Variants in USP22 observed in about 807,000 individuals in gnomAD.
The protein encoded by USP22 is ubiquitin specific peptidase 22.
In USP22, 22 loss-of-function variants were observed where a neutral mutation model predicts 68.1. That is an observed-to-expected ratio of 0.32 (90% CI 0.23 to 0.46). The LOEUF (loss-of-function observed/expected upper bound fraction) is 0.46, where lower values mean the gene tolerates loss of function less well. USP22 is among the 20% of genes least tolerant of loss of function. The pLI, the probability that USP22 is intolerant of heterozygous loss-of-function variation, is 1.00. For missense variants in USP22, 433 were observed against 695.8 expected, an observed-to-expected ratio of 0.62 and a Z score of 4.25; for synonymous variants, 279 against 274.2, an observed-to-expected ratio of 1.02 and a Z score of -0.17.
At position 21,017,969 on chromosome 17, in the gene USP22, G is replaced by A; in HGVS notation, c.663C>T (p.Val221=). ...CCTGAAACAGTGAGGACATCTCACA[G>A]ACCAGACAGGAGCTGGGGCTCTGCA... The part of the protein sequence containing the change: ...CEMQSPSSCL[V]CEMSSLFQEF... Residue 221 remains valine, a synonymous_variant, in exon 5 of 13, where the codon GTC becomes GTT. Coordinates refer to ENST00000261497, the MANE Select transcript of USP22 (RefSeq NM_015276.2). 3 of 1,614,142 alleles carry A rather than the reference G, an allele frequency of 1.9e-6. No homozygotes were observed. Among genetic ancestry groups the A allele is most frequent in the South Asian group, 2.2e-5 (2 of 91,074 alleles).
In USP22 at chr17:21,013,817, G is replaced by A. The variant is rs189723231; in HGVS notation, c.839-882C>T. On this transcript the variant is annotated intron_variant, in intron 6 of 12. Transcript: ENST00000261497. ...TGGCCAGGCGCGGTGGCTCACGCCTGTAATCCCAGCACTTTGGGAGGCCAA... is the reference window on the plus strand; with the variant it reads ...TGGCCAGGCGCGGTGGCTCACGCCTATAATCCCAGCACTTTGGGAGGCCAA... Among the ~76,000 whole-genome samples the A allele has an allele frequency of 3.8e-3, 577 of 152,360 alleles. 5 individuals are homozygous for A. The highest frequency in any genetic ancestry group is 0.013 in the African/African-American group (521 of 41,588).
intron 8 of USP22, among the ~76,000 whole-genome samples, chr17:21,010,268 C>T (rs1441495198): frequency 6.6e-6 from 1 of 152,226 alleles, no homozygotes; most frequent in Non-Finnish European, 1.5e-5. Context: ...AACAAGGACT[C>T]TTCTGCATTA....
intron 2 of USP22, among the ~76,000 whole-genome samples, chr17:21,024,513 T>C (rs1972196622): frequency 1.3e-5 from 2 of 152,140 alleles, no homozygotes; most frequent in Non-Finnish European, 2.9e-5. Context: ...AATCCTTACC[T>C]CATACTGTAT....
intron 1 of USP22, among the ~76,000 whole-genome samples, chr17:21,033,395 T>C (rs1164704933): frequency 1.3e-5 from 2 of 152,176 alleles, no homozygotes; most frequent in Non-Finnish European, 1.5e-5. Context: ...GCCAAATTCA[T>C]TAATTTGGTC....
intron 7 of USP22, 97 bp from the exon 8 acceptor site, chr17:21,011,406 T>TGA: frequency 6.9e-7 from 1 of 1,450,894 alleles, no homozygotes; most frequent in Non-Finnish European, 9.3e-7. Flanking sequence ...CCTTCCCCGC[T>TGA]GTGCCCTTTG....
intron 8 of USP22, among the ~76,000 whole-genome samples, chr17:21,010,649 G>A (rs1348356988): frequency 2.8e-5 from 4 of 140,440 alleles, no homozygotes; most frequent in Middle Eastern, 4.1e-3. Context: ...GGTCGACAGA[G>A]CACAACTCTG....
At chr17:21,011,464 C>G (rs1207808210) in intron 7 of USP22, 155 bp from the exon 8 acceptor site, 1 of 976,854 alleles carries the variant, frequency 1.0e-6, no homozygotes, top group African/African-American at 1.6e-5. Flanking sequence ...AGCAGCAGTG[C>G]TCACACCCAA....
intron 9 of USP22, among the ~76,000 whole-genome samples, chr17:21,007,282 G>A (rs534538884): frequency 7.2e-5 from 11 of 152,252 alleles, no homozygotes; most frequent in Admixed American, 5.2e-4. Context: ...ACAAAGATCC[G>A]TGGCCCATGG....
At chr17:21,020,265 AAAAAGG>A (rs1972138621) in intron 3 of USP22, among the ~76,000 whole-genome samples, 1 of 126,624 alleles carries the variant, frequency 7.9e-6, no homozygotes, top group African/African-American at 2.9e-5. Context: ...AAAAAAAAAA[AAAAAGG>A]AAAAAAAACT....
Position 21,015,680 on chromosome 17 carries a change from C to T in USP22, c.838+72G>A, listed in dbSNP as rs1008387765. On this transcript the variant is annotated intron_variant, in intron 6 of 12. Transcript: ENST00000261497. ...GTGCCCCTTTTTGCACGAGTGCATA[C>T]ACTCGCTTTGCTTCCTTCCCCTTCA... 4.0e-6 allele frequency: 6 copies of T among 1,516,884 alleles called. No individual in the cohort carries two copies. In the African/African-American group the frequency reaches 4.1e-5, roughly 10 times the overall value. The allele number at this position is 1,516,884 out of a possible 1,614,324, so 94.0% of individuals were successfully genotyped here. A position where few individuals can be genotyped will look rare whatever the true frequency, so the allele number is the denominator to read the frequency against.
At position 21,015,632 on chromosome 17, in the gene USP22, CA is replaced by C. The variant is rs1914108704; in HGVS notation, c.838+119del. The C allele has an allele frequency of 5.2e-6, 7 of 1,354,852 alleles. No homozygotes were observed. In the East Asian group the frequency reaches 1.8e-4, roughly 35 times the overall value. The allele number at this position is 1,354,852 out of a possible 1,614,324, so 83.9% of individuals were successfully genotyped here. A position where few individuals can be genotyped will look rare whatever the true frequency, so the allele number is the denominator to read the frequency against. ...CAAATGACGACAAGGGCTATGATGA[CA>C]AAACAATGGAATGTGTCACCTGTGC... On this transcript the variant is annotated intron_variant, in intron 6 of 12. Transcript: ENST00000261497.
At chr17:21,018,502 C>G (rs1972115466) in intron 4 of USP22, among the ~76,000 whole-genome samples, 1 of 152,034 alleles carries the variant, frequency 6.6e-6, no homozygotes, top group African/African-American at 2.4e-5. Context: ...ATCACTGGAG[C>G]CCAGGAGTTC....
At chr17:21,037,836 G>A (rs1597702644) in intron 1 of USP22, among the ~76,000 whole-genome samples, 1 of 152,188 alleles carries the variant, frequency 6.6e-6, no homozygotes, top group South Asian at 2.1e-4. Flanking sequence ...AAGATAGACT[G>A]TATCAATGTC....
At chr17:21,020,375 C>T (rs374850160) in intron 3 of USP22, among the ~76,000 whole-genome samples, 2 of 152,038 alleles carry the variant, frequency 1.3e-5, no homozygotes, top group African/African-American at 4.8e-5. Flanking sequence ...TGTGGCCACA[C>T]GGTGGCGACG....
chr17:21,015,885 G>A lies in USP22; in HGVS notation c.705C>T (p.His235=). 1 of 1,614,098 alleles carries A rather than the reference G, an allele frequency of 6.2e-7. No homozygotes were observed. Among genetic ancestry groups the A allele is most frequent in the Non-Finnish European group, 8.5e-7 (1 of 1,180,008 alleles). The change falls in exon 6 of 13, where the codon CAC becomes CAT. Residue 235 remains histidine, a synonymous_variant. Coordinates refer to ENST00000261497, the MANE Select transcript of USP22 (RefSeq NM_015276.2). Reference sequence around the variant, plus strand: ...ACTTATACGGGATGTGAGGGGACCGGTGTCCAGAGTAAAACTGCCAGAGGG... The same window carrying A: ...ACTTATACGGGATGTGAGGGGACCGATGTCCAGAGTAAAACTGCCAGAGGG... ...SSLFQEFYSG[H]RSPHIPYKLL...
At chr17:21,033,805 G>A (rs1264869670) in intron 1 of USP22, among the ~76,000 whole-genome samples, 2 of 150,926 alleles carry the variant, frequency 1.3e-5, no homozygotes, top group Non-Finnish European at 2.9e-5. Flanking sequence ...CTGGAGTGCA[G>A]TGGCGTAATC....
chr17:21,020,019 C>A (rs1357057201), intron 3 of USP22, among the ~76,000 whole-genome samples: 1 of 152,130 alleles, frequency 6.6e-6, no homozygotes, highest in Non-Finnish European at 1.5e-5. Context: ...ACTGAAAGAG[C>A]CCCTGTTGCT....
chr17:21,004,894 G>A (rs747762463), intron 11 of USP22, 34 bp downstream of exon 11: 2 of 1,612,454 alleles, frequency 1.2e-6, no homozygotes, highest in East Asian at 2.2e-5. Context: ...TTGGCCAGAG[G>A]CCCTGGACAC....
chr17:21,004,639 C>T (rs1913718450), intron 11 of USP22, among the ~76,000 whole-genome samples: 1 of 152,238 alleles, frequency 6.6e-6, no homozygotes, highest in African/African-American at 2.4e-5. Context: ...ATACTTTCTA[C>T]AACCCCAAGG....
Sources: allele counts gnomAD v4.1 joint callset (sites outside exome capture counted in the v4.1 genomes callset), GRCh38; gene constraint gnomAD v4.1.1; transcripts MANE v1.5; gene names NCBI Gene and HGNC (gene_info 2026-07-23, HGNC 2026-07-21).